SNAPC4: variants seen among roughly 807,000 people sequenced by gnomAD.
SNAPC4 encodes the protein snRNA-activating protein complex subunit 4.
Under a neutral mutation model 151.3 loss-of-function variants are expected in SNAPC4, and 127 were observed. The ratio of observed to expected loss-of-function variants is 0.84; its 90% CI spans 0.73 to 0.97. The LOEUF is 0.97. Ranked by LOEUF, SNAPC4 falls within the 50% of genes least tolerant of loss-of-function variation. The pLI, the probability that SNAPC4 is intolerant of heterozygous loss-of-function variation, is 0.00. For missense variants in SNAPC4, 2,186 were observed against 1,935.0 expected, an observed-to-expected ratio of 1.13 and a Z score of -2.43; for synonymous variants, 1,002 against 824.4, an observed-to-expected ratio of 1.22 and a Z score of -3.69.
chr9:136,394,568 G>A, intron 6 of SNAPC4, among the ~76,000 whole-genome samples: 1 of 152,250 alleles, frequency 6.6e-6, no homozygotes, highest in East Asian at 1.9e-4. Flanking sequence ...GGGAGACTGA[G>A]CCAGAGGGTG....
At chr9:136,388,672 A>AG in intron 10 of SNAPC4, 81 bp from the exon 11 acceptor site, 1 of 1,561,788 alleles carries the variant, frequency 6.4e-7, no homozygotes, top group Non-Finnish European at 8.8e-7. Flanking sequence ...CCCAGGGCAC[A>AG]GGTGGGCCCA....
Position 136,383,358 on chromosome 9 carries a change from G to C in SNAPC4, c.1811C>G (p.Ser604Cys). The change falls in exon 16 of 24, where the codon TCC (serine) becomes TGC (cysteine). Residue 604 changes from serine (S) to cysteine (C), a missense_variant. Transcript: ENST00000684778. The surrounding 1 kb of genome is among the most constrained non-coding windows in gnomAD (Gnocchi z 4.2). ...PAASLSPPKG[S>C]SASQGGSKEA... ...CTTGCTGCCGCCCTGGCTGGCACTG[G>C]ACCCCTTGGGAGGGCTGAGGGAGGC... The C allele has an allele frequency of 6.2e-7, 1 of 1,606,508 alleles. No homozygotes were observed. Among genetic ancestry groups the C allele is most frequent in the Non-Finnish European group, 8.5e-7 (1 of 1,177,056 alleles).
chr9:136,394,439 G>A, intron 6 of SNAPC4, 109 bp from the exon 7 acceptor site: 3 of 931,394 alleles, frequency 3.2e-6, no homozygotes, highest in Non-Finnish European at 5.3e-6. Flanking sequence ...CCCACAGCGA[G>A]TAAGCAGCAC....
chr9:136,379,702 G>A (rs926503603), intron 21 of SNAPC4, 135 bp downstream of exon 21: 16 of 844,516 alleles, frequency 1.9e-5, no homozygotes, highest in South Asian at 5.9e-5. Context: ...GGTGGGACTC[G>A]AGGGAGCTCT....
intron 16 of SNAPC4, among the ~76,000 whole-genome samples, chr9:136,382,728 T>C (rs1425108338): frequency 1.3e-5 from 2 of 152,206 alleles, no homozygotes; most frequent in Non-Finnish European, 2.9e-5. Flanking sequence ...TGTTCAACTC[T>C]GACTGCTCCC....
intron 22 of SNAPC4, 110 bp from the exon 23 acceptor site, chr9:136,376,591 C>G (rs1833455783): frequency 7.5e-7 from 1 of 1,327,812 alleles, no homozygotes; most frequent in African/African-American, 1.4e-5. Flanking sequence ...CCACTTGGGA[C>G]AGGGCACCCT....
At chr9:136,397,516 C>T (rs951463994) in intron 2 of SNAPC4, among the ~76,000 whole-genome samples, 36 of 141,470 alleles carry the variant, frequency 2.5e-4, no homozygotes, top group African/African-American at 8.8e-4. Context: ...GGCTCAGAAG[C>T]TAAAGGGAGC....
At chr9:136,399,404 G>A (rs1450204997) in intron 1 of SNAPC4, among the ~76,000 whole-genome samples, 2 of 152,232 alleles carry the variant, frequency 1.3e-5, no homozygotes, top group Non-Finnish European at 2.9e-5. Flanking sequence ...GCCGGCCAGA[G>A]GCAGAGCTGG....
At chr9:136,382,479 G>T in intron 16 of SNAPC4, 143 bp from the exon 17 acceptor site, 1 of 722,178 alleles carries the variant, frequency 1.4e-6, no homozygotes, top group South Asian at 1.7e-5. Flanking sequence ...TCATGGGAAC[G>T]TCCACCATGG....
chr9:136,377,286 AG>A (rs1227915049), intron 22 of SNAPC4, among the ~76,000 whole-genome samples: 1 of 152,218 alleles, frequency 6.6e-6, no homozygotes, highest in Admixed American at 6.5e-5. Context: ...GGGCAGCATC[AG>A]GATGGCCGGA....
chr9:136,390,465 G>C (rs966363555), intron 10 of SNAPC4, among the ~76,000 whole-genome samples: 19 of 139,568 alleles, frequency 1.4e-4, no homozygotes, highest in African/African-American at 4.8e-4. Context: ...TGAGGCAGGA[G>C]AATGGCGTGA....
Position 136,377,982 on chromosome 9 carries a change from G to A in SNAPC4, c.3845C>T (p.Thr1282Ile). The change falls in exon 22 of 24, where the codon ACA (threonine) becomes ATA (isoleucine). Residue 1282 changes from threonine to isoleucine, a missense_variant. Coordinates refer to ENST00000684778, the MANE Select transcript of SNAPC4 (RefSeq NM_003086.4). ...CCGCTGGCCCCCCAGCCACTGCTGT[G>A]TGGCCGCCTCGCCCTCCTGGGACAG... ...GLLSQEGEAA[T>I]QQWLGGQRGV... 4 of 1,604,108 alleles carry A rather than the reference G, an allele frequency of 2.5e-6. No homozygotes were observed. The highest frequency in any genetic ancestry group is 3.4e-6 in the Non-Finnish European group (4 of 1,175,874).
intron 22 of SNAPC4, among the ~76,000 whole-genome samples, chr9:136,377,268 A>G (rs1042087293): frequency 2.6e-5 from 4 of 152,142 alleles, no homozygotes; most frequent in African/African-American, 7.2e-5. Context: ...AGACAAGGCC[A>G]CCTGGCTGGG....
rs1029980350 is a variant in SNAPC4 at position 136,376,498 on chromosome 9, G to A, written c.4285-17C>T. On this transcript the variant is annotated splice_polypyrimidine_tract_variant and intron_variant, in intron 22 of 23. Transcript: ENST00000684778. The stretch of plus-strand genomic sequence containing the variant: ...TGGGGCTCCCTGAAAGAAAATCCAG[G>A]CAGTGGGGACAAGAGTGACACCCCC... 1.1e-5 allele frequency: 17 copies of A among 1,612,624 alleles called. No homozygotes were observed. Among genetic ancestry groups the A allele is most frequent in the Non-Finnish European group, 1.3e-5 (15 of 1,179,620 alleles).
At chr9:136,395,561 G>A in intron 4 of SNAPC4, 42 bp downstream of exon 4, 3 of 1,584,516 alleles carry the variant, frequency 1.9e-6, no homozygotes, top group Non-Finnish European at 2.6e-6. Context: ...GGGCTCTGGG[G>A]GTGGGGAGGT....
Position 136,381,404 on chromosome 9 carries a change from G to T in SNAPC4, c.2318-12C>A, listed in dbSNP as rs749701211. On this transcript the variant is annotated splice_polypyrimidine_tract_variant and intron_variant, in intron 18 of 23. Coordinates refer to ENST00000684778, the MANE Select transcript of SNAPC4 (RefSeq NM_003086.4). ...CCTGAGGCCATCCGCTGCGGGCACA[G>T]GGGGATAAGTGGAAAGCAGCCCCAG... is the stretch of plus-strand genomic sequence containing the variant. The T allele has an allele frequency of 6.2e-7, 1 of 1,610,708 alleles. No individual in the cohort carries two copies. Among genetic ancestry groups the T allele is most frequent in the Non-Finnish European group, 8.5e-7 (1 of 1,178,070 alleles).
chr9:136,384,044 A>T lies in SNAPC4; in HGVS notation c.1421-12T>A. ...TTTTGCCCAGTGACCTGCAAAAGCC[A>T]AACCCCATGGAAATGCCTTCATCCA... On this transcript the variant is annotated splice_polypyrimidine_tract_variant and intron_variant, in intron 14 of 23. Coordinates refer to ENST00000684778, the MANE Select transcript of SNAPC4 (RefSeq NM_003086.4). The T allele has an allele frequency of 1.9e-6, 3 of 1,611,762 alleles. No individual in the cohort carries two copies. Among genetic ancestry groups the T allele is most frequent in the Non-Finnish European group, 2.5e-6 (3 of 1,178,464 alleles).
chr9:136,382,534 C>T (rs1833737561), intron 16 of SNAPC4, among the ~76,000 whole-genome samples, 198 bp from the exon 17 acceptor site: 1 of 152,238 alleles, frequency 6.6e-6, no homozygotes, highest in South Asian at 2.1e-4. Flanking sequence ...AGGCCTGGCT[C>T]CTGGGACATT....
intron 2 of SNAPC4, among the ~76,000 whole-genome samples, chr9:136,397,499 T>G (rs1397272938): frequency 2.5e-5 from 3 of 119,372 alleles, no homozygotes; most frequent in Non-Finnish European, 5.2e-5. Context: ...CTGGTGGGGT[T>G]GGGGTAGGCT....
Sources: gnomAD v4.1 joint callset for allele counts (sites outside exome capture counted in the v4.1 genomes callset) on GRCh38, gnomAD v4.1.1 for gene constraint, Gnocchi (gnomAD v3.1) non-coding constraint, MANE v1.5 for transcripts, NCBI Gene and HGNC (gene_info 2026-07-23, HGNC 2026-07-21) for gene names.